KCNIP4: variants seen among roughly 807,000 people sequenced by gnomAD.
KCNIP4 encodes the protein Kv channel-interacting protein 4.
KCNIP4 carries 12 observed loss-of-function variants against 34.0 expected under a neutral mutation model. That is an observed-to-expected ratio of 0.35 (90% confidence interval 0.23 to 0.57). The LOEUF (loss-of-function observed/expected upper bound fraction) is 0.57, where lower values mean the gene tolerates loss of function less well. Ranked by LOEUF, KCNIP4 falls within the 20% of genes least tolerant of loss-of-function variation. The pLI is 0.83. For synonymous variants in KCNIP4, 124 were observed against 102.2 expected (o/e 1.21, Z -1.29); for missense variants, 238 against 311.7 (o/e 0.76, Z 1.78).
chr4:21,445,143 G>A (rs1727863100), intron 1 of KCNIP4, among the ~76,000 whole-genome samples: 1 of 152,154 alleles, frequency 6.6e-6, no homozygotes, highest in Admixed American at 6.5e-5. Context: ...ACAAATGGAA[G>A]AACATTCCAT....
At chr4:21,143,302 T>C (rs1752103855) in intron 1 of KCNIP4, among the ~76,000 whole-genome samples, 1 of 152,026 alleles carries the variant, frequency 6.6e-6, no homozygotes. Context: ...GACTCAAAGC[T>C]CCATTGCTGG....
chr4:20,803,035 A>T (rs1261068389), intron 3 of KCNIP4, among the ~76,000 whole-genome samples: 1 of 145,086 alleles, frequency 6.9e-6, no homozygotes, highest in Admixed American at 7.2e-5. Context: ...AGATCGCTCC[A>T]CTGCACTCCA....
chr4:20,856,420 A>G (rs1030020402), intron 2 of KCNIP4, among the ~76,000 whole-genome samples: 3 of 152,142 alleles, frequency 2.0e-5, no homozygotes, highest in African/African-American at 7.2e-5. Context: ...TACTATGCAA[A>G]ATTGGTGACC....
At chr4:21,038,050 T>C (rs994018858) in intron 1 of KCNIP4, among the ~76,000 whole-genome samples, 1 of 152,172 alleles carries the variant, frequency 6.6e-6, no homozygotes, top group African/African-American at 2.4e-5. Context: ...GTGGAGCAGC[T>C]CACTGCAACC....
intron 1 of KCNIP4, among the ~76,000 whole-genome samples, chr4:20,955,445 T>C (rs1262590713): frequency 1.3e-5 from 2 of 152,178 alleles, no homozygotes; most frequent in East Asian, 3.9e-4. Flanking sequence ...ATTCTGCAAC[T>C]AACAGTCTGC....
intron 1 of KCNIP4, among the ~76,000 whole-genome samples, chr4:21,071,340 G>C (rs572842707): frequency 3.3e-5 from 5 of 152,266 alleles, no homozygotes; most frequent in African/African-American, 1.2e-4. Flanking sequence ...AGCATGTTTT[G>C]AAAAGATTAT....
intron 3 of KCNIP4, among the ~76,000 whole-genome samples, chr4:20,765,888 G>GT (rs1755355080): frequency 6.6e-6 from 1 of 152,204 alleles, no homozygotes; most frequent in Admixed American, 6.5e-5. Context: ...CTCAGGCCAT[G>GT]TGGGGACACA....
chr4:21,102,189 G>C (rs931105562), intron 1 of KCNIP4, among the ~76,000 whole-genome samples: 2 of 152,084 alleles, frequency 1.3e-5, no homozygotes, highest in Admixed American at 1.3e-4. Context: ...GAAAACATTA[G>C]AAAAAAGTTT....
intron 3 of KCNIP4, among the ~76,000 whole-genome samples, chr4:20,777,018 C>T (rs545692039): frequency 1.3e-5 from 2 of 152,238 alleles, no homozygotes; most frequent in South Asian, 2.1e-4. Context: ...AACCTAATCT[C>T]CATTATGATC....
chr4:21,072,303 T>C (rs566347208), intron 1 of KCNIP4, among the ~76,000 whole-genome samples: 30 of 152,350 alleles, frequency 2.0e-4, no homozygotes, highest in African/African-American at 7.2e-4. Flanking sequence ...CTCCAGCATC[T>C]GTTGTTTCCT....
At chr4:21,156,220 T>C (rs1190605890) in intron 1 of KCNIP4, among the ~76,000 whole-genome samples, 1 of 152,168 alleles carries the variant, frequency 6.6e-6, no homozygotes, top group Non-Finnish European at 1.5e-5. Context: ...ACCTTCAATA[T>C]TGTGAAACGG....
intron 1 of KCNIP4, among the ~76,000 whole-genome samples, chr4:21,412,174 T>G (rs1724564880): frequency 6.6e-6 from 1 of 152,288 alleles, no homozygotes; most frequent in African/African-American, 2.4e-5. Flanking sequence ...TCTAACCATT[T>G]TGTAGCTCTT....
rs1731140875 is a variant in KCNIP4 at position 21,478,120 on chromosome 4, T to C, written c.61+470451A>G. Among the ~76,000 whole-genome samples the C allele has an allele frequency of 2.6e-5, 4 of 152,298 alleles. No individual in the cohort carries two copies. The South Asian group carries it at 8.3e-4, about 32-fold the overall frequency. Reference sequence around the variant, plus strand: ...GCATTTTATTTTATTTTTTAAAAAATCTTTACTTCTATTTGATATGTTTTG... The same window carrying C: ...GCATTTTATTTTATTTTTTAAAAAACCTTTACTTCTATTTGATATGTTTTG... On this transcript the variant is annotated intron_variant, in intron 1 of 8. Transcript: ENST00000382152.
chr4:21,077,288 C>T (rs1745574263), intron 1 of KCNIP4, among the ~76,000 whole-genome samples: 1 of 152,010 alleles, frequency 6.6e-6, no homozygotes, highest in East Asian at 1.9e-4. Context: ...TTGGAAAATT[C>T]TATAATGTTC....
At chr4:20,742,634 AT>A (rs1471623942) in intron 5 of KCNIP4, among the ~76,000 whole-genome samples, 1 of 152,210 alleles carries the variant, frequency 6.6e-6, no homozygotes, top group Admixed American at 6.5e-5. Flanking sequence ...AACTGGACTC[AT>A]TCCCTTTGAA....
At chr4:21,889,229 T>C (rs1726951267) in intron 1 of KCNIP4, among the ~76,000 whole-genome samples, 1 of 152,130 alleles carries the variant, frequency 6.6e-6, no homozygotes. Context: ...TTGTTTTATA[T>C]ACAAAAATTA....
intron 1 of KCNIP4, among the ~76,000 whole-genome samples, chr4:21,635,492 A>G (rs1165289062): frequency 9.2e-5 from 14 of 152,172 alleles, no homozygotes; most frequent in Non-Finnish European, 1.8e-4. Context: ...ATGAACAGAC[A>G]CTTCTCAAAA....
intron 1 of KCNIP4, among the ~76,000 whole-genome samples, chr4:21,686,535 G>A (rs1388970096): frequency 6.6e-6 from 1 of 152,062 alleles, no homozygotes; most frequent in Non-Finnish European, 1.5e-5. Context: ...GTAGAAAAAT[G>A]AGAAAATACA....
intron 2 of KCNIP4, among the ~76,000 whole-genome samples, chr4:20,851,297 T>C (rs549716258): frequency 6.6e-6 from 1 of 152,318 alleles, no homozygotes; most frequent in South Asian, 2.1e-4. Context: ...GGTTTTCTGT[T>C]CCTGCATTAG....
Sources: gnomAD v4.1 joint callset for allele counts (sites outside exome capture counted in the v4.1 genomes callset) on GRCh38, gnomAD v4.1.1 for gene constraint, MANE v1.5 for transcripts, NCBI Gene and HGNC (gene_info 2026-07-23, HGNC 2026-07-21) for gene names.